Variants in KHDRBS2 observed in about 807,000 individuals in gnomAD.
KHDRBS2 encodes KH RNA binding domain containing, signal transduction associated 2, also known as KH domain-containing, RNA-binding, signal transduction-associated protein 2.
Under a neutral mutation model 44.3 loss-of-function variants are expected in KHDRBS2, and 26 were observed. That is an observed-to-expected ratio of 0.59 (90% CI 0.43 to 0.81). The LOEUF is 0.81. Among genes scored for constraint, KHDRBS2 ranks in the 40% least tolerant of loss-of-function variants. The pLI is 0.00. For synonymous variants in KHDRBS2, 194 were observed against 151.1 expected (o/e 1.28, Z -2.08); for missense variants, 476 against 433.1 (o/e 1.10, Z -0.88).
At chr6:62,211,464 C>T (rs1421474529) in intron 1 of KHDRBS2, among the ~76,000 whole-genome samples, 1 of 152,022 alleles carries the variant, frequency 6.6e-6, no homozygotes, top group Non-Finnish European at 1.5e-5. Context: ...TTTTCCTTTA[C>T]AAAAATAAAA....
At chr6:61,771,257 G>T (rs1780851963) in intron 6 of KHDRBS2, among the ~76,000 whole-genome samples, 1 of 152,118 alleles carries the variant, frequency 6.6e-6, no homozygotes, top group African/African-American at 2.4e-5. Context: ...GACCATCAAG[G>T]CTAGGAAGAA....
At chr6:61,919,592 A>C (rs1190344314) in intron 4 of KHDRBS2, among the ~76,000 whole-genome samples, 1 of 151,880 alleles carries the variant, frequency 6.6e-6, no homozygotes, top group Non-Finnish European at 1.5e-5. Flanking sequence ...CTATTTGTAG[A>C]AACATGACTA....
At chr6:61,951,140 G>T (rs1764651959) in intron 4 of KHDRBS2, among the ~76,000 whole-genome samples, 1 of 151,982 alleles carries the variant, frequency 6.6e-6, no homozygotes. Context: ...GGGTAAGAAT[G>T]AGTAAGAAAG....
At chr6:61,612,865 T>A in the KHDRBS2 span, among the ~76,000 whole-genome samples, 1 of 76,152 alleles carries the variant, frequency 1.3e-5, no homozygotes, top group African/African-American at 4.5e-5. Flanking sequence ...TTTTTTTTTT[T>A]TTTTTGAGAC....
chr6:62,107,178 G>A (rs1302500395), intron 2 of KHDRBS2, among the ~76,000 whole-genome samples: 1 of 151,704 alleles, frequency 6.6e-6, no homozygotes, highest in Non-Finnish European at 1.5e-5. Flanking sequence ...TGACATGATT[G>A]TATATCTAGA....
chr6:61,709,513 C>A (rs1400509898), intron 7 of KHDRBS2, among the ~76,000 whole-genome samples: 1 of 151,620 alleles, frequency 6.6e-6, no homozygotes, highest in East Asian at 1.9e-4. Flanking sequence ...TTGAATATAA[C>A]AATGTGCATA....
intron 2 of KHDRBS2, among the ~76,000 whole-genome samples, chr6:62,098,085 T>C (rs1395474383): frequency 6.6e-6 from 1 of 152,134 alleles, no homozygotes; most frequent in African/African-American, 2.4e-5. Context: ...TCTTTTCAAA[T>C]TGCCTATATT....
chr6:61,955,053 T>C (rs1424816534), intron 4 of KHDRBS2, among the ~76,000 whole-genome samples: 21 of 144,808 alleles, frequency 1.5e-4, no homozygotes, highest in African/African-American at 5.2e-4. Context: ...TGTATACATA[T>C]ATGTATGTAT....
the KHDRBS2 span, among the ~76,000 whole-genome samples, chr6:61,592,901 T>A: frequency 6.6e-6 from 1 of 152,158 alleles, no homozygotes; most frequent in Non-Finnish European, 1.5e-5. Flanking sequence ...TTGAGTCTCA[T>A]TCCAAGAGTT....
chr6:61,979,760 C>G (rs186278555), intron 3 of KHDRBS2, among the ~76,000 whole-genome samples: 2 of 152,242 alleles, frequency 1.3e-5, no homozygotes, highest in Admixed American at 1.3e-4. Context: ...TGAAAATACT[C>G]TCATGAGGTG....
chr6:62,200,144 C>T (rs1293241984), intron 1 of KHDRBS2, among the ~76,000 whole-genome samples: 1 of 152,082 alleles, frequency 6.6e-6, no homozygotes, highest in Non-Finnish European at 1.5e-5. Context: ...AGAAGCAAAC[C>T]TAGGCAATAC....
intron 6 of KHDRBS2, among the ~76,000 whole-genome samples, chr6:61,861,671 T>TC (rs1796998558): frequency 6.7e-6 from 1 of 149,396 alleles, no homozygotes; most frequent in African/African-American, 2.5e-5. Context: ...TTTTTTTTTT[T>TC]CTTAGGATTG....
At position 61,774,141 on chromosome 6, in the gene KHDRBS2, C is replaced by G. The variant is rs554456060; in HGVS notation, c.811-41377G>C. ...TGGCGATGCAGGCTCTTTTTTGGTG[C>G]CATATGAACTTTAAAGTAGTTTTTT... On this transcript the variant is annotated intron_variant, in intron 6 of 8. Coordinates refer to ENST00000281156, the MANE Select transcript of KHDRBS2 (RefSeq NM_152688.4). Among the ~76,000 whole-genome samples the G allele has an allele frequency of 1.2e-4, 19 of 152,074 alleles. No individual in the cohort carries two copies. The East Asian group carries it at 2.9e-3, about 23-fold the overall frequency.
chr6:61,630,577 T>C, the KHDRBS2 span: 2 of 152,242 alleles, frequency 1.3e-5, no homozygotes, highest in African/African-American at 2.4e-5. Context: ...AGCATTGTTA[T>C]GGCAATGGTG....
At chr6:61,650,410 T>TG in the KHDRBS2 span, among the ~76,000 whole-genome samples, 1 of 7,076 alleles carries the variant, frequency 1.4e-4, no homozygotes, top group Non-Finnish European at 5.7e-4. Context: ...TAAAAAAATG[T>TG]TTTTTTTTTT....
the KHDRBS2 span, among the ~76,000 whole-genome samples, chr6:61,600,626 C>T: frequency 1.0e-3 from 159 of 152,184 alleles, no homozygotes; most frequent in Non-Finnish European, 1.1e-3. Context: ...TTCACATGGA[C>T]GCGAGTGAAA....
At chr6:62,025,456 T>G (rs775703052) in intron 3 of KHDRBS2, among the ~76,000 whole-genome samples, 3 of 151,896 alleles carry the variant, frequency 2.0e-5, no homozygotes, top group Non-Finnish European at 4.4e-5. Context: ...TATTTTCATA[T>G]AAAAATATTC....
intron 2 of KHDRBS2, among the ~76,000 whole-genome samples, chr6:62,139,967 C>T (rs1463730686): frequency 2.0e-5 from 3 of 152,046 alleles, no homozygotes; most frequent in Non-Finnish European, 4.4e-5. Flanking sequence ...TTTACCCAGC[C>T]CATTTTATTT....
At chr6:61,928,889 A>C (rs1809478923) in intron 4 of KHDRBS2, among the ~76,000 whole-genome samples, 1 of 152,106 alleles carries the variant, frequency 6.6e-6, no homozygotes, top group Non-Finnish European at 1.5e-5. Context: ...ATACTATAAA[A>C]TTTATTTTCT....
Sources: gnomAD v4.1 joint callset for allele counts (sites outside exome capture counted in the v4.1 genomes callset) on GRCh38, gnomAD v4.1.1 for gene constraint, MANE v1.5 for transcripts, NCBI Gene and HGNC (gene_info 2026-07-23, HGNC 2026-07-21) for gene names.